RBMS1: variants seen among roughly 807,000 people sequenced by gnomAD.
The protein encoded by RBMS1 is RNA binding motif single stranded interacting protein 1.
In RBMS1, 17 loss-of-function variants were observed where a neutral mutation model predicts 62.3. That is an observed-to-expected ratio of 0.27 (90% CI 0.19 to 0.41). The LOEUF (loss-of-function observed/expected upper bound fraction) is 0.41. Ranked by LOEUF, RBMS1 falls within the 10% of genes least tolerant of loss-of-function variation. RBMS1 has a pLI of 1.00. For missense variants in RBMS1, 334 were observed against 504.5 expected, an observed-to-expected ratio of 0.66 and a Z score of 3.24; for synonymous variants, 172 against 170.0, an observed-to-expected ratio of 1.01 and a Z score of -0.09.
intron 2 of RBMS1, among the ~76,000 whole-genome samples, chr2:160,348,829 T>C (rs1429242536): frequency 6.6e-6 from 1 of 152,150 alleles, no homozygotes; most frequent in Non-Finnish European, 1.5e-5. Context: ...ATATAAGACA[T>C]ATAAGGTAAA....
At chr2:160,358,224 A>C (rs1429935309) in intron 2 of RBMS1, among the ~76,000 whole-genome samples, 1 of 152,146 alleles carries the variant, frequency 6.6e-6, no homozygotes. Flanking sequence ...GCTCAGTCTC[A>C]AATGCATCAT....
At chr2:160,286,858 T>C in intron 7 of RBMS1, 111 bp downstream of exon 7, 2 of 1,544,192 alleles carry the variant, frequency 1.3e-6, no homozygotes, top group Non-Finnish European at 1.7e-6. Context: ...TCCTGGCACC[T>C]ATTTCAGAAG....
At chr2:160,381,933 G>A (rs1425446271) in intron 1 of RBMS1, among the ~76,000 whole-genome samples, 1 of 152,092 alleles carries the variant, frequency 6.6e-6, no homozygotes, top group East Asian at 1.9e-4. Flanking sequence ...CCCAATATAT[G>A]ATATTTCAAC....
chr2:160,438,059 T>G (rs1403469029), intron 1 of RBMS1, among the ~76,000 whole-genome samples: 1 of 152,178 alleles, frequency 6.6e-6, no homozygotes, highest in African/African-American at 2.4e-5. Flanking sequence ...GTTCCTACCA[T>G]TGCTGGAAGG....
intron 1 of RBMS1, among the ~76,000 whole-genome samples, chr2:160,474,865 C>T (rs1685060749): frequency 6.6e-6 from 1 of 152,152 alleles, no homozygotes; most frequent in African/African-American, 2.4e-5. Context: ...AACTCAATGT[C>T]CTGCAAAGTA....
intron 1 of RBMS1, chr2:160,407,488 G>C (rs1695805924): frequency 2.0e-6 from 2 of 986,068 alleles, no homozygotes; most frequent in Non-Finnish European, 2.4e-6. Context: ...GCGTCCGGCA[G>C]TTGCTGCTGC....
intron 2 of RBMS1, among the ~76,000 whole-genome samples, chr2:160,329,480 T>C (rs866589370): frequency 1.3e-5 from 2 of 152,288 alleles, no homozygotes; most frequent in Middle Eastern, 3.4e-3. Flanking sequence ...CCTTAGATAC[T>C]GCAGATAAAG....
chr2:160,450,517 G>A (rs1484114006), intron 1 of RBMS1, among the ~76,000 whole-genome samples: 15 of 107,390 alleles, frequency 1.4e-4, no homozygotes, highest in Non-Finnish European at 2.5e-4. Context: ...TCCAGGCTGG[G>A]CAACAAAAGT....
At chr2:160,456,688 C>T (rs1684246641) in intron 1 of RBMS1, among the ~76,000 whole-genome samples, 1 of 152,320 alleles carries the variant, frequency 6.6e-6, no homozygotes, top group East Asian at 1.9e-4. Context: ...AAGCTGAATG[C>T]TCTCCTGAGC....
intron 1 of RBMS1, among the ~76,000 whole-genome samples, chr2:160,472,865 A>C (rs1684976776): frequency 6.6e-6 from 1 of 152,236 alleles, no homozygotes; most frequent in South Asian, 2.1e-4. Flanking sequence ...GTACTCAGAT[A>C]GAATTACAAA....
chr2:160,407,231 C>A (rs946728355), intron 1 of RBMS1, among the ~76,000 whole-genome samples: 3 of 151,952 alleles, frequency 2.0e-5, no homozygotes, highest in Admixed American at 1.3e-4. Flanking sequence ...GCCGGCTCTC[C>A]GCTCCTGCCC....
At chr2:160,411,996 A>G (rs1696057921) in intron 1 of RBMS1, among the ~76,000 whole-genome samples, 1 of 152,258 alleles carries the variant, frequency 6.6e-6, no homozygotes, top group Admixed American at 6.5e-5. Flanking sequence ...GCCTAGGTGC[A>G]CTGAAGTTTT....
intron 2 of RBMS1, among the ~76,000 whole-genome samples, chr2:160,348,770 T>A (rs1347934017): frequency 1.3e-5 from 2 of 152,132 alleles, no homozygotes; most frequent in Non-Finnish European, 2.9e-5. Context: ...TGAATGATGA[T>A]AAGAAAATGT....
intron 1 of RBMS1, among the ~76,000 whole-genome samples, chr2:160,469,028 T>C (rs1033988991): frequency 6.6e-6 from 1 of 152,182 alleles, no homozygotes; most frequent in African/African-American, 2.4e-5. Flanking sequence ...TCTAAAAGAA[T>C]ACAGGTTTCC....
chr2:160,311,228 C>CCATATA (rs1553505409), intron 4 of RBMS1, among the ~76,000 whole-genome samples: 1 of 95,944 alleles, frequency 1.0e-5, no homozygotes, highest in South Asian at 4.0e-4. Context: ...ATCTATCTAT[C>CCATATA]TATCTATATA....
intron 1 of RBMS1, among the ~76,000 whole-genome samples, chr2:160,382,963 TA>T (rs1471201835): frequency 2.0e-5 from 3 of 152,280 alleles, no homozygotes; most frequent in Admixed American, 6.5e-5. Context: ...TCAGGAAACG[TA>T]AAATGTACGA....
chr2:160,290,969 G>T (rs189739685), intron 6 of RBMS1, among the ~76,000 whole-genome samples: 1 of 150,078 alleles, frequency 6.7e-6, no homozygotes, highest in African/African-American at 2.4e-5. Flanking sequence ...TTTCCTTACC[G>T]ATCTTCTGAA....
intron 1 of RBMS1, among the ~76,000 whole-genome samples, chr2:160,393,867 T>C (rs1485085191): frequency 6.6e-6 from 1 of 152,140 alleles, no homozygotes; most frequent in African/African-American, 2.4e-5. Context: ...GTTCTAGTCC[T>C]GGTTTTGTTA....
Position 160,493,546 on chromosome 2 carries a change from T to G in RBMS1, c.-183A>C. On this transcript the variant is annotated 5_prime_UTR_variant, in exon 1 of 14. Coordinates refer to ENST00000348849, the MANE Select transcript of RBMS1 (RefSeq NM_016836.4). The stretch of plus-strand genomic sequence containing the variant: ...GTCCTCCTCCTCCTCCTCCTCTTCC[T>G]CCTCCTCCTCCTCCTCCTCCTCCTC... The G allele has an allele frequency of 1.7e-6, 1 of 587,552 alleles. No homozygotes were observed. The highest frequency in any genetic ancestry group is 1.9e-5 in the South Asian group (1 of 51,684). The allele number at this position is 587,552 out of a possible 1,614,324, so 36.4% of individuals were successfully genotyped here.
Sources: gnomAD v4.1 joint callset for allele counts (sites outside exome capture counted in the v4.1 genomes callset) on GRCh38, gnomAD v4.1.1 for gene constraint, MANE v1.5 for transcripts, NCBI Gene and HGNC (gene_info 2026-07-23, HGNC 2026-07-21) for gene names.